HORMAD2: variants seen among roughly 807,000 people sequenced by gnomAD.
The protein encoded by HORMAD2 is HORMA domain containing 2.
A neutral mutation model predicts 38.8 loss-of-function variants in HORMAD2; 45 were observed. The observed-to-expected ratio is 1.16, with a 90% CI of 0.91 to 1.49. The LOEUF is 1.49. HORMAD2 is among the 40% of genes most tolerant of loss of function. The pLI is 0.00. For missense variants in HORMAD2, 338 were observed against 367.0 expected (o/e 0.92, Z 0.65); for synonymous variants, 126 against 122.8 (o/e 1.03, Z -0.17).
intron 10 of HORMAD2, among the ~76,000 whole-genome samples, chr22:30,127,862 A>G (rs1306302257): frequency 1.3e-5 from 2 of 152,184 alleles, no homozygotes; most frequent in Admixed American, 1.3e-4. Context: ...AATATGTTCA[A>G]CTGTTATTTT....
chr22:30,081,190 T>C (rs1003483985), intron 1 of HORMAD2: 1 of 152,208 alleles, frequency 6.6e-6, no homozygotes, highest in African/African-American at 2.4e-5. Context: ...TTCTGGCCCC[T>C]AAAGGGGTTT....
At chr22:30,172,120 C>A (rs951883605) in intron 10 of HORMAD2, among the ~76,000 whole-genome samples, 5 of 151,966 alleles carry the variant, frequency 3.3e-5, no homozygotes, top group African/African-American at 9.7e-5. Context: ...ACTTTCCCTC[C>A]CCTGAAAATG....
At chr22:30,083,938 A>C (rs959960205) in intron 1 of HORMAD2, among the ~76,000 whole-genome samples, 1 of 152,242 alleles carries the variant, frequency 6.6e-6, no homozygotes, top group Non-Finnish European at 1.5e-5. Context: ...GTAGTACATC[A>C]TATTAGATAG....
At chr22:30,088,468 A>G (rs1359865204) in intron 1 of HORMAD2, among the ~76,000 whole-genome samples, 3 of 151,684 alleles carry the variant, frequency 2.0e-5, no homozygotes, top group East Asian at 1.9e-4. Context: ...CCATCCATAC[A>G]TTGCAAAAAT....
intron 7 of HORMAD2, among the ~76,000 whole-genome samples, chr22:30,118,582 A>C (rs1467052590): frequency 6.6e-6 from 1 of 152,228 alleles, no homozygotes; most frequent in Admixed American, 6.5e-5. Flanking sequence ...CCAGAAAAAC[A>C]GGGACCTTTT....
At chr22:30,186,971 A>C in the HORMAD2 span, among the ~76,000 whole-genome samples, 1 of 152,158 alleles carries the variant, frequency 6.6e-6, no homozygotes, top group Non-Finnish European at 1.5e-5. Context: ...TCTGGGAAGT[A>C]AGAATTTTCG....
At chr22:30,170,021 C>A (rs1245265228) in intron 10 of HORMAD2, among the ~76,000 whole-genome samples, 1 of 152,038 alleles carries the variant, frequency 6.6e-6, no homozygotes, top group African/African-American at 2.4e-5. Context: ...GTTGATCTAC[C>A]TTTCATTGTG....
chr22:30,173,672 G>C (rs1926257408), intron 10 of HORMAD2, among the ~76,000 whole-genome samples: 1 of 152,210 alleles, frequency 6.6e-6, no homozygotes, highest in African/African-American at 2.4e-5. Context: ...TGGATCTGAA[G>C]TTCAGAAGGA....
chr22:30,103,372 C>T (rs1920972405), intron 3 of HORMAD2, 65 bp from the exon 4 acceptor site: 1 of 866,912 alleles, frequency 1.2e-6, no homozygotes, highest in Non-Finnish European at 1.9e-6. Flanking sequence ...CCCTATTTAG[C>T]ATGGACAATT....
chr22:30,130,549 C>A (rs916427127), intron 10 of HORMAD2, among the ~76,000 whole-genome samples: 4 of 151,726 alleles, frequency 2.6e-5, no homozygotes, highest in Non-Finnish European at 5.9e-5. Flanking sequence ...ATCTGCCCCC[C>A]ACACACTTTC....
At chr22:30,167,277 C>T (rs941267683) in intron 10 of HORMAD2, among the ~76,000 whole-genome samples, 1 of 152,182 alleles carries the variant, frequency 6.6e-6, no homozygotes, top group Non-Finnish European at 1.5e-5. Flanking sequence ...AAGAAGAACT[C>T]TCCATTTCAA....
At chr22:30,120,266 C>T (rs1922340471) in intron 8 of HORMAD2, among the ~76,000 whole-genome samples, 1 of 152,248 alleles carries the variant, frequency 6.6e-6, no homozygotes, top group African/African-American at 2.4e-5. Context: ...CTGGAGGCTC[C>T]CATGAGCTAC....
intron 8 of HORMAD2, among the ~76,000 whole-genome samples, chr22:30,119,830 C>G (rs1051177530): frequency 3.9e-5 from 6 of 152,168 alleles, no homozygotes; most frequent in African/African-American, 7.2e-5. Flanking sequence ...TCTGGCTCAT[C>G]ATTTGCCATG....
At position 30,175,250 on chromosome 22, in the gene HORMAD2, A is replaced by T. The variant is rs184125078; in HGVS notation, c.820-813A>T. On this transcript the variant is annotated intron_variant, in intron 10 of 10. Transcript: ENST00000336726. ...TTATAGAATATATTATATATAATATAATATAGAATATATATAATAATATAT... is the reference window on the plus strand; with the variant it reads ...TTATAGAATATATTATATATAATATTATATAGAATATATATAATAATATAT... 7.2e-3 allele frequency among the ~76,000 whole-genome samples: 1,030 copies of T among 142,452 alleles called. 14 individuals carry two copies. The highest frequency in any genetic ancestry group is 0.026 in the African/African-American group (983 of 38,456). The allele number at this position is 142,452 out of a possible 152,430, so 93.5% of individuals were successfully genotyped here.
At chr22:30,089,889 C>T (rs574157390) in intron 1 of HORMAD2, among the ~76,000 whole-genome samples, 2 of 152,278 alleles carry the variant, frequency 1.3e-5, no homozygotes, top group South Asian at 4.1e-4. Context: ...ATTCCTTCTA[C>T]CCCACCAGCA....
chr22:30,092,968 C>T (rs1432884685), intron 1 of HORMAD2, among the ~76,000 whole-genome samples: 2 of 152,106 alleles, frequency 1.3e-5, no homozygotes, highest in African/African-American at 4.8e-5. Flanking sequence ...TTTAGCTGTT[C>T]AGAGTCTTTT....
In HORMAD2 at chr22:30,119,881, C is replaced by T. The variant is rs568239820; in HGVS notation, c.410+834C>T. On this transcript the variant is annotated intron_variant, in intron 8 of 10. Transcript: ENST00000336726. Reference sequence around the variant, plus strand: ...CTCCAAGATTCACTCCCTTGATTATCCTTCCATTTGTAAAACCTACAGACA... The same window carrying T: ...CTCCAAGATTCACTCCCTTGATTATTCTTCCATTTGTAAAACCTACAGACA... Among the ~76,000 whole-genome samples, 11 of 152,276 alleles carry T rather than the reference C, an allele frequency of 7.2e-5. No individual in the cohort carries two copies. The South Asian group carries it at 8.3e-4, about 11-fold the overall frequency.
the HORMAD2 span, among the ~76,000 whole-genome samples, chr22:30,198,958 T>C: frequency 6.6e-6 from 1 of 152,184 alleles, no homozygotes; most frequent in Non-Finnish European, 1.5e-5. Context: ...ACAAGGCTGG[T>C]GCAAATCCAT....
At chr22:30,112,415 A>T in intron 6 of HORMAD2, 81 bp from the exon 7 acceptor site, 1 of 688,774 alleles carries the variant, frequency 1.5e-6, no homozygotes, top group Non-Finnish European at 2.5e-6. Context: ...CACAAATTGA[A>T]CTCTATATAA....
Sources: gnomAD v4.1 joint callset for allele counts (sites outside exome capture counted in the v4.1 genomes callset) on GRCh38, gnomAD v4.1.1 for gene constraint, MANE v1.5 for transcripts, NCBI Gene and HGNC (gene_info 2026-07-23, HGNC 2026-07-21) for gene names.